The following POSTN variants were observed in gnomAD, a reference collection of about 807,000 sequenced individuals.
The protein encoded by POSTN is osteoblast specific factor 2 (fasciclin I-like).
POSTN carries 71 observed loss-of-function variants against 104.5 expected under a neutral mutation model. That is an observed-to-expected ratio of 0.68 (90% CI 0.56 to 0.83). The LOEUF (loss-of-function observed/expected upper bound fraction) is 0.83. Ranked by LOEUF, POSTN falls within the 40% of genes least tolerant of loss-of-function variation. The pLI is 0.00. For missense variants in POSTN, 949 were observed against 1,006.8 expected, an observed-to-expected ratio of 0.94 and a Z score of 0.78; for synonymous variants, 355 against 340.7, an observed-to-expected ratio of 1.04 and a Z score of -0.46.
chr13:37,576,612 G>A (rs927643715), intron 16 of POSTN, among the ~76,000 whole-genome samples: 1 of 150,848 alleles, frequency 6.6e-6, no homozygotes, highest in Non-Finnish European at 1.5e-5. Context: ...ATATATATAT[G>A]CATATGTATA....
At chr13:37,587,022 G>T in intron 5 of POSTN, 94 bp from the exon 6 acceptor site, 1 of 1,075,654 alleles carries the variant, frequency 9.3e-7, no homozygotes. Flanking sequence ...ATTTATACTA[G>T]TAAATGTAAC....
At position 37,584,050 on chromosome 13, in the gene POSTN, C is replaced by T. The variant is rs773500176; in HGVS notation, c.1162G>A (p.Val388Met). The change falls in exon 9 of 23, where the codon GTG becomes ATG. Residue 388 changes from valine to methionine, a missense_variant. Transcript: ENST00000379747. Reference protein sequence around the residue: ...GKQQTTFTDLVAQLGLASALR... With the variant: ...GKQQTTFTDLMAQLGLASALR... Reference sequence around the variant, plus strand: ...GCAGATGCCAAGCCTAATTGGGCCACAAGATCCGTGAAGGTGGTTTGCTGT... The same window carrying T: ...GCAGATGCCAAGCCTAATTGGGCCATAAGATCCGTGAAGGTGGTTTGCTGT... The T allele has an allele frequency of 6.2e-7, 1 of 1,613,934 alleles. No homozygotes were observed.
At position 37,569,397 on chromosome 13, in the gene POSTN, T is replaced by C. The variant is rs201512763; in HGVS notation, c.2348-14A>G. The C allele has an allele frequency of 1.6e-5, 25 of 1,589,454 alleles. No homozygotes were observed. The East Asian group carries it at 5.4e-4, about 34-fold the overall frequency. On this transcript the variant is annotated splice_polypyrimidine_tract_variant and intron_variant, in intron 20 of 22. Coordinates refer to ENST00000379747, the MANE Select transcript of POSTN (RefSeq NM_006475.3). ...CCTTGGTGACCTCTGAGAGGATACA[T>C]GTTTATAGCAGAAATTGGTTTATAT...
In POSTN at chr13:37,592,321, C is replaced by T. The variant is rs142997287; in HGVS notation, c.219-157G>A. On this transcript the variant is annotated intron_variant, in intron 2 of 22. Coordinates refer to ENST00000379747, the MANE Select transcript of POSTN (RefSeq NM_006475.3). ...TGATTTTTTCTTTTTTCTTTTGAGA[C>T]GGAGTCTCGCTCTGTCGCCCAGGCT... 2.6e-5 allele frequency among the ~76,000 whole-genome samples: 4 copies of T among 151,980 alleles called. No individual in the cohort carries two copies. The East Asian group carries it at 7.7e-4, about 29-fold the overall frequency.
At chr13:37,574,787 G>A (rs1378786988) in intron 16 of POSTN, 135 bp from the exon 17 acceptor site, 1 of 1,170,850 alleles carries the variant, frequency 8.5e-7, no homozygotes, top group Non-Finnish European at 1.1e-6. Context: ...CAGGCAGTCA[G>A]ATACAGGAAA....
chr13:37,590,201 C>T (rs371895569), intron 4 of POSTN, among the ~76,000 whole-genome samples, 171 bp downstream of exon 4: 7 of 152,140 alleles, frequency 4.6e-5, no homozygotes, highest in East Asian at 1.9e-4. Context: ...ATTCTATTTA[C>T]GGATGTATTA....
intron 19 of POSTN, 86 bp from the exon 20 acceptor site, chr13:37,569,907 G>C (rs1187519349): frequency 1.2e-6 from 1 of 862,520 alleles, no homozygotes; most frequent in East Asian, 2.5e-5. Context: ...TTTTACACTT[G>C]TGGGCCATGT....
intron 21 of POSTN, 60 bp downstream of exon 21, chr13:37,569,240 A>G: frequency 2.4e-6 from 3 of 1,271,994 alleles, no homozygotes; most frequent in Non-Finnish European, 3.3e-6. Context: ...TCAGTCTTTA[A>G]AAAGTTGAAC....
At chr13:37,584,362 A>T (rs1398744414) in intron 8 of POSTN, among the ~76,000 whole-genome samples, 1 of 152,064 alleles carries the variant, frequency 6.6e-6, no homozygotes, top group Admixed American at 6.5e-5. Context: ...TCTATTGTTC[A>T]TCTCTCATCT....
intron 1 of POSTN, among the ~76,000 whole-genome samples, chr13:37,598,343 C>A (rs1379440484): frequency 6.6e-6 from 1 of 151,936 alleles, no homozygotes; most frequent in Admixed American, 6.6e-5. Flanking sequence ...GAATGCCCAG[C>A]TAAATTGTGT....
chr13:37,580,739 T>C (rs2138273691), intron 10 of POSTN, 42 bp from the exon 11 acceptor site: 2 of 1,612,544 alleles, frequency 1.2e-6, no homozygotes, highest in East Asian at 2.2e-5. Context: ...TTTTCCTTGC[T>C]TGAAATTTCC....
intron 22 of POSTN, among the ~76,000 whole-genome samples, chr13:37,563,759 A>G (rs1263205988): frequency 1.3e-5 from 2 of 151,988 alleles, no homozygotes; most frequent in Non-Finnish European, 2.9e-5. Context: ...TTTCACTACT[A>G]GTATCTAATT....
At position 37,578,769 on chromosome 13, in the gene POSTN, A is replaced by G; in HGVS notation, c.1962+75T>C. On this transcript the variant is annotated intron_variant, in intron 15 of 22. Transcript: ENST00000379747. ...AGCTGAGATCATGCCACTGCACTACAGCCTGGGCGACAAAGCGAGACTCCA... is the reference window on the plus strand; with the variant it reads ...AGCTGAGATCATGCCACTGCACTACGGCCTGGGCGACAAAGCGAGACTCCA... The G allele has an allele frequency of 2.3e-6, 3 of 1,284,366 alleles. 1 individual carries two copies. The allele number at this position is 1,284,366 out of a possible 1,614,324, so 79.6% of individuals were successfully genotyped here.
chr13:37,567,185 G>A (rs1458902707), intron 21 of POSTN, among the ~76,000 whole-genome samples: 4 of 119,448 alleles, frequency 3.3e-5, no homozygotes, highest in Non-Finnish European at 4.9e-5. Flanking sequence ...GCAGTGAGCC[G>A]AGATCCCGCC....
Position 37,579,297 on chromosome 13 carries a change from T to C in POSTN, c.1723A>G (p.Lys575Glu), listed in dbSNP as rs1362486060. Residue 575 changes from lysine (K) to glutamate (E), a missense_variant, in exon 13 of 23, where the codon AAA (lysine) becomes GAA (glutamate). Transcript: ENST00000379747. ...TTAGTAACACCAGGTTCAAATCCTT[T>C]TCCAATGAAAACTCCTGGTGTCAGG... ...YHLTPGVFIGKGFEPGVTNIL... is the reference protein window; with the variant it reads ...YHLTPGVFIGEGFEPGVTNIL... 1.2e-6 allele frequency: 2 copies of C among 1,604,914 alleles called. No individual in the cohort carries two copies. Among genetic ancestry groups the C allele is most frequent in the Non-Finnish European group, 8.5e-7 (1 of 1,171,732 alleles).
chr13:37,583,832 A>G, intron 9 of POSTN, 137 bp downstream of exon 9: 1 of 959,942 alleles, frequency 1.0e-6, no homozygotes, highest in Non-Finnish European at 1.5e-6. Context: ...ATGTAGTGTT[A>G]ACACATTGTA....
chr13:37,584,710 G>C lies in POSTN; in HGVS notation c.1108+6C>G. ...AACAAAAACAAAAACAAAAAAAGTT[G>C]CTTACCAGAATCAGGAATTAGGACC... On this transcript the variant is annotated splice_donor_region_variant and intron_variant, in intron 8 of 22. Transcript: ENST00000379747. The C allele has an allele frequency of 6.2e-7, 1 of 1,608,236 alleles. No homozygotes were observed. Among genetic ancestry groups the C allele is most frequent in the Non-Finnish European group, 8.5e-7 (1 of 1,176,260 alleles).
chr13:37,563,840 T>A (rs1005099338), intron 22 of POSTN, among the ~76,000 whole-genome samples: 3 of 151,954 alleles, frequency 2.0e-5, no homozygotes, highest in Non-Finnish European at 2.9e-5. Context: ...AAATTCTTGC[T>A]CTCTCAATGT....
intron 21 of POSTN, among the ~76,000 whole-genome samples, chr13:37,567,887 A>G (rs888684474): frequency 2.6e-5 from 4 of 152,172 alleles, no homozygotes; most frequent in African/African-American, 4.8e-5. Flanking sequence ...AAGAAAATAT[A>G]CTTACCTGAA....
Sources: gnomAD v4.1 joint callset for allele counts (sites outside exome capture counted in the v4.1 genomes callset) on GRCh38, gnomAD v4.1.1 for gene constraint, MANE v1.5 for transcripts, NCBI Gene and HGNC (gene_info 2026-07-23, HGNC 2026-07-21) for gene names.